Variants in MBP observed in about 807,000 individuals in gnomAD.
The protein encoded by MBP is myelin basic protein.
MBP carries 16 observed loss-of-function variants against 35.8 expected under a neutral mutation model. The observed-to-expected ratio is 0.45, with a 90% CI of 0.30 to 0.68. The LOEUF (loss-of-function observed/expected upper bound fraction) is 0.68, where lower values mean the gene tolerates loss of function less well. Among genes scored for constraint, MBP ranks in the 30% least tolerant of loss-of-function variants. The pLI is 0.08. For missense variants in MBP, 380 were observed against 404.7 expected (o/e 0.94, Z 0.52); for synonymous variants, 143 against 159.6 (o/e 0.90, Z 0.78).
At chr18:77,019,135 C>T (rs565045712) in intron 3 of MBP, among the ~76,000 whole-genome samples, 45 of 152,186 alleles carry the variant, frequency 3.0e-4, no homozygotes, top group Admixed American at 2.0e-3. Context: ...ATCTGAGTTA[C>T]AGTGATTGTA....
At chr18:77,078,108 C>A (rs1275158809) in intron 2 of MBP, among the ~76,000 whole-genome samples, 1 of 152,214 alleles carries the variant, frequency 6.6e-6, no homozygotes, top group South Asian at 2.1e-4. Context: ...GTGGAAGATG[C>A]ATTTTCATGG....
At chr18:77,075,082 A>G (rs1357653302) in intron 2 of MBP, among the ~76,000 whole-genome samples, 1 of 152,244 alleles carries the variant, frequency 6.6e-6, no homozygotes, top group Non-Finnish European at 1.5e-5. Context: ...TGAGATCTCA[A>G]TCCCTCCTCT....
chr18:77,114,920 C>A (rs1171229136), intron 1 of MBP: 1 of 152,426 alleles, frequency 6.6e-6, no homozygotes, highest in Non-Finnish European at 1.5e-5. Context: ...TGGGCGAGGG[C>A]CTTCCTATTC....
intron 2 of MBP, among the ~76,000 whole-genome samples, chr18:77,068,250 C>G (rs957801410): frequency 1.3e-5 from 2 of 152,192 alleles, no homozygotes; most frequent in African/African-American, 4.8e-5. Context: ...TAAGAGGACA[C>G]TGGTTTGGAC....
At chr18:77,124,559 C>G (rs540250460) in intron 1 of MBP, among the ~76,000 whole-genome samples, 4 of 152,142 alleles carry the variant, frequency 2.6e-5, no homozygotes, top group African/African-American at 9.7e-5. Context: ...CAGCTGGGGC[C>G]GCACTGGCCT....
At chr18:77,006,244 T>C (rs904297833) in intron 4 of MBP, 1 of 152,364 alleles carries the variant, frequency 6.6e-6, no homozygotes, top group African/African-American at 2.4e-5. Context: ...CACAAGGGTC[T>C]GTGAGAAAGA....
At chr18:77,016,540 G>A (rs970481183) in intron 4 of MBP, 52 of 1,256,652 alleles carry the variant, frequency 4.1e-5, no homozygotes, top group Non-Finnish European at 5.0e-5. Context: ...TTTCTGCAAC[G>A]CCCATGTCCA....
In MBP at chr18:77,057,987, C is replaced by T. The variant is rs1367026732; in HGVS notation, c.139+8311G>A. Among the ~76,000 whole-genome samples the T allele has an allele frequency of 1.0e-4, 7 of 66,744 alleles. 2 individuals are homozygous for T. The highest frequency in any genetic ancestry group is 3.0e-4 in the African/African-American group (3 of 10,086). The allele number at this position is 66,744 out of a possible 152,430, so 43.8% of individuals were successfully genotyped here. On this transcript the variant is annotated intron_variant, in intron 3 of 8. Transcript: ENST00000355994. ...GACTACAGGCGCCCGCCACTACGCC[C>T]GGCTAATTTTTTGTATTTTTTTTTT...
intron 2 of MBP, among the ~76,000 whole-genome samples, chr18:77,104,332 C>G (rs1976170264): frequency 6.6e-6 from 1 of 152,194 alleles, no homozygotes; most frequent in Non-Finnish European, 1.5e-5. Context: ...CCTGGCAGGT[C>G]TGAAGTCTCT....
intron 1 of MBP, among the ~76,000 whole-genome samples, chr18:77,105,744 A>C (rs1474268153): frequency 6.6e-6 from 1 of 152,254 alleles, no homozygotes; most frequent in African/African-American, 2.4e-5. Context: ...ATTCATGCTC[A>C]CTGCTTTAAA....
rs532535761 is a variant in MBP at position 77,006,552 on chromosome 18, G to T, written c.576+10280C>A. Reference sequence around the variant, plus strand: ...GCAGACAGAGGAACTGCAGAGAACAGTGGGTCCACTTCCCACGCAGCCATT... The same window carrying T: ...GCAGACAGAGGAACTGCAGAGAACATTGGGTCCACTTCCCACGCAGCCATT... On this transcript the variant is annotated intron_variant, in intron 4 of 8. Transcript: ENST00000355994. The T allele has an allele frequency of 7.1e-3, 1,087 of 152,784 alleles. 5 individuals are homozygous for T. Among genetic ancestry groups the T allele is most frequent in the Non-Finnish European group, 0.01 (684 of 68,390 alleles). The allele number at this position is 152,784 out of a possible 1,614,324, so 9.5% of individuals were successfully genotyped here.
chr18:77,127,862 A>T (rs1399828112), intron 1 of MBP: 5 of 134,912 alleles, frequency 3.7e-5, no homozygotes, highest in Admixed American at 2.9e-4. Flanking sequence ...CTAAAATAAT[A>T]AAAAAAAAAA....
chr18:77,067,193 G>A (rs1039710046), intron 2 of MBP, among the ~76,000 whole-genome samples: 2 of 152,146 alleles, frequency 1.3e-5, no homozygotes, highest in African/African-American at 4.8e-5. Flanking sequence ...CTGAAACCCC[G>A]GGGTCTCCTG....
chr18:77,010,158 C>A (rs915935602), intron 4 of MBP: 4 of 557,660 alleles, frequency 7.2e-6, no homozygotes, highest in Middle Eastern at 4.7e-4. Context: ...AGGCATGCGC[C>A]CTGAAGGACT....
intron 3 of MBP, 113 bp from the exon 4 acceptor site, chr18:77,017,381 T>C: frequency 1.0e-6 from 1 of 962,852 alleles, no homozygotes; most frequent in Non-Finnish European, 1.4e-6. Flanking sequence ...CCACAGAATA[T>C]GTGCAGTCCT....
At chr18:76,991,331 G>A (rs1323677639) in intron 4 of MBP, among the ~76,000 whole-genome samples, 1 of 152,200 alleles carries the variant, frequency 6.6e-6, no homozygotes, top group Non-Finnish European at 1.5e-5. Context: ...AGAGTGGTAA[G>A]CACTGCGAGA....
At chr18:77,089,544 C>T (rs959884010) in intron 2 of MBP, among the ~76,000 whole-genome samples, 1 of 152,204 alleles carries the variant, frequency 6.6e-6, no homozygotes, top group Non-Finnish European at 1.5e-5. Flanking sequence ...ACAGAGCCTC[C>T]GCCTCAGGCA....
At chr18:76,984,428 T>C in intron 8 of MBP, 1 of 274,926 alleles carries the variant, frequency 3.6e-6, no homozygotes, top group Non-Finnish European at 7.1e-6. Context: ...TCTGCTTGAC[T>C]CCTGCTTTAG....
At chr18:77,032,460 C>T (rs541595932) in intron 3 of MBP, among the ~76,000 whole-genome samples, 1 of 142,990 alleles carries the variant, frequency 7.0e-6, no homozygotes, top group South Asian at 2.2e-4. Flanking sequence ...CCACATAGCT[C>T]ACCCCTGGCA....
Sources: gnomAD v4.1 joint callset for allele counts (sites outside exome capture counted in the v4.1 genomes callset) on GRCh38, gnomAD v4.1.1 for gene constraint, MANE v1.5 for transcripts, NCBI Gene and HGNC (gene_info 2026-07-23, HGNC 2026-07-21) for gene names.